CLEC1A: variants seen among roughly 807,000 people sequenced by gnomAD.
CLEC1A encodes C-type lectin domain family 1 member A, also known as C-type lectin-like receptor-1.
A neutral mutation model predicts 28.7 loss-of-function variants in CLEC1A; 34 were observed. That is an observed-to-expected ratio of 1.18 (90% CI 0.90 to 1.57). The LOEUF is 1.57. Among genes scored for constraint, CLEC1A ranks in the 40% most tolerant of loss-of-function variants. CLEC1A has a pLI of 0.00. For missense variants in CLEC1A, 385 were observed against 339.5 expected (o/e 1.13, Z -1.05); for synonymous variants, 116 against 121.0 (o/e 0.96, Z 0.27).
intron 1 of CLEC1A, among the ~76,000 whole-genome samples, chr12:10,098,276 T>G (rs902288093): frequency 6.6e-6 from 1 of 152,180 alleles, no homozygotes; most frequent in East Asian, 1.9e-4. Context: ...TTACATAATT[T>G]ATCATTCTCA....
intron 1 of CLEC1A, among the ~76,000 whole-genome samples, chr12:10,092,072 C>T (rs899051302): frequency 1.4e-4 from 22 of 152,130 alleles, no homozygotes; most frequent in African/African-American, 5.3e-4. Flanking sequence ...AACACAGTTA[C>T]ATTAATATGC....
Position 10,093,416 on chromosome 12 carries a change from AT to A in CLEC1A, c.116-4195del, listed in dbSNP as rs1485773153. The stretch of plus-strand genomic sequence containing the variant: ...TTCCTGTATCCTCTTAGTATTAACC[AT>A]ACTATAAAAGGCCTTAGTGCTAGGG... On this transcript the variant is annotated intron_variant, in intron 1 of 5. Coordinates refer to ENST00000315330, the MANE Select transcript of CLEC1A (RefSeq NM_016511.4). 4.6e-5 allele frequency among the ~76,000 whole-genome samples: 7 copies of A among 151,192 alleles called. No homozygotes were observed. In the South Asian group the frequency reaches 1.6e-3, roughly 34 times the overall value.
At chr12:10,085,643 T>C (rs1247221686) in intron 2 of CLEC1A, among the ~76,000 whole-genome samples, 1 of 151,488 alleles carries the variant, frequency 6.6e-6, no homozygotes, top group Non-Finnish European at 1.5e-5. Context: ...TATATGCACT[T>C]AACATTGGAG....
chr12:10,074,750 G>T (rs976885501), intron 4 of CLEC1A, among the ~76,000 whole-genome samples: 1 of 152,124 alleles, frequency 6.6e-6, no homozygotes, highest in African/African-American at 2.4e-5. Context: ...ATTTCAGGAG[G>T]TAGGTAGAAA....
rs1374466866 is a variant in CLEC1A, at chr12:10,069,925, C to T, written c.*1408G>A. The T allele has an allele frequency of 1.3e-5, 2 of 152,140 alleles. No homozygotes were observed. The highest frequency in any genetic ancestry group is 2.9e-5 in the Non-Finnish European group (2 of 68,012). 9.4% of individuals were successfully genotyped at this position (152,140 alleles called of 1,614,324 possible). A position where few individuals can be genotyped will look rare whatever the true frequency, so the allele number is the denominator to read the frequency against. On this transcript the variant is annotated 3_prime_UTR_variant, in exon 6 of 6. Transcript: ENST00000315330. Reference sequence around the variant, plus strand: ...TGATTGCTACTATACGTCATTTTACCATGAGATAGATGTTTATGAAAAACA... The same window carrying T: ...TGATTGCTACTATACGTCATTTTACTATGAGATAGATGTTTATGAAAAACA...
intron 1 of CLEC1A, among the ~76,000 whole-genome samples, chr12:10,090,409 C>A (rs1175621203): frequency 1.3e-5 from 2 of 152,226 alleles, no homozygotes; most frequent in East Asian, 1.9e-4. Flanking sequence ...TGCCACCACG[C>A]CTGGCTAATT....
Position 10,089,200 on chromosome 12 carries a change from C to T in CLEC1A, c.138G>A (p.Thr46=). The stretch of plus-strand genomic sequence containing the variant: ...GCAGGGTCAGGGCCACTGGTCGCCA[C>T]GTTGAAGAGGGAGCCCTGTGCTCTG... ...RRTEHRAPSS[T]WRPVALTLLT... is the part of the protein sequence containing the mutation. Residue 46 remains threonine (T), a synonymous_variant, in exon 2 of 6, where the codon ACG becomes ACA. Coordinates refer to ENST00000315330, the MANE Select transcript of CLEC1A (RefSeq NM_016511.4). 3 of 1,613,960 alleles carry T rather than the reference C, an allele frequency of 1.9e-6. No homozygotes were observed. The highest frequency in any genetic ancestry group is 2.2e-5 in the East Asian group (1 of 44,874).
intron 1 of CLEC1A, among the ~76,000 whole-genome samples, chr12:10,096,631 CCTT>C (rs35629586): frequency 0.065 from 9,836 of 152,202 alleles, 451 homozygotes; most frequent in Non-Finnish European, 0.098. Context: ...TAAAATCCCT[CCTT>C]AACTTGCCAG....
chr12:10,074,083 C>T (rs1382715885), intron 4 of CLEC1A, among the ~76,000 whole-genome samples: 1 of 152,154 alleles, frequency 6.6e-6, no homozygotes, highest in Admixed American at 6.5e-5. Context: ...GCGACAGGGT[C>T]TCACTCTGTT....
chr12:10,082,484 C>T (rs1177143496), intron 2 of CLEC1A, among the ~76,000 whole-genome samples: 1 of 152,120 alleles, frequency 6.6e-6, no homozygotes, highest in Non-Finnish European at 1.5e-5. Flanking sequence ...CAACCCCCAT[C>T]CCCCACAGGA....
rs762235923 is a variant in CLEC1A, at chr12:10,071,293, C to CCACT, written c.*39_*40insAGTG. ...TCTCAACTAGCCCTTGCTTTGGCAC[C>CCACT]GCCTGGCTCACTCTGCTATTTGTAG... On this transcript the variant is annotated 3_prime_UTR_variant, in exon 6 of 6. Coordinates refer to ENST00000315330, the MANE Select transcript of CLEC1A (RefSeq NM_016511.4). The CCACT allele has an allele frequency of 6.3e-7, 1 of 1,585,034 alleles. No individual in the cohort carries two copies. Among genetic ancestry groups the CCACT allele is most frequent in the South Asian group, 1.2e-5 (1 of 86,700 alleles).
intron 2 of CLEC1A, among the ~76,000 whole-genome samples, chr12:10,085,186 A>G (rs1866459330): frequency 7.1e-6 from 1 of 140,204 alleles, no homozygotes; most frequent in South Asian, 2.3e-4. Context: ...CACAGGACCT[A>G]TAAGACAATA....
chr12:10,077,791 T>C (rs958164902), intron 3 of CLEC1A, among the ~76,000 whole-genome samples: 3 of 152,104 alleles, frequency 2.0e-5, no homozygotes, highest in African/African-American at 7.2e-5. Context: ...TCTCTCCATT[T>C]CTCCTTTATT....
chr12:10,090,301 G>C (rs765623542), intron 1 of CLEC1A, among the ~76,000 whole-genome samples: 1 of 152,160 alleles, frequency 6.6e-6, no homozygotes, highest in Non-Finnish European at 1.5e-5. Context: ...TTCCAGGCTG[G>C]AGTGCAGTGG....
rs944199761 is a variant in CLEC1A, at chr12:10,073,231, C to G, written c.662+62G>C. Reference sequence around the variant, plus strand: ...ACTTGATGGACCAAATTCTTGAGCTCTATCACTCAAGCAAAATATCTTTGT... The same window carrying G: ...ACTTGATGGACCAAATTCTTGAGCTGTATCACTCAAGCAAAATATCTTTGT... On this transcript the variant is annotated intron_variant, in intron 5 of 5. Coordinates refer to ENST00000315330, the MANE Select transcript of CLEC1A (RefSeq NM_016511.4). 6 of 1,253,514 alleles carry G rather than the reference C, an allele frequency of 4.8e-6. No homozygotes were observed. In the African/African-American group the frequency reaches 7.4e-5, roughly 15 times the overall value. 77.6% of individuals were successfully genotyped at this position (1,253,514 alleles called of 1,614,324 possible).
At position 10,070,691 on chromosome 12, in the gene CLEC1A, T is replaced by A. The variant is rs900249973; in HGVS notation, c.*642A>T. The A allele has an allele frequency of 7.2e-5, 11 of 152,166 alleles. No homozygotes were observed. Among genetic ancestry groups the A allele is most frequent in the African/African-American group, 2.2e-4 (9 of 41,444 alleles). The allele number at this position is 152,166 out of a possible 1,614,324, so 9.4% of individuals were successfully genotyped here. A position where few individuals can be genotyped will look rare whatever the true frequency, so the allele number is the denominator to read the frequency against. On this transcript the variant is annotated 3_prime_UTR_variant, in exon 6 of 6. Coordinates refer to ENST00000315330, the MANE Select transcript of CLEC1A (RefSeq NM_016511.4). ...GATATATTTCTTTCCTGGGAGAAAT[T>A]CCTATGGAGGGGAGACAATTATCAG...
chr12:10,081,444 G>C (rs2137345658), intron 2 of CLEC1A, 31 bp from the exon 3 acceptor site: 4 of 1,524,102 alleles, frequency 2.6e-6, no homozygotes, highest in Non-Finnish European at 3.5e-6. Context: ...AGACTGGACA[G>C]CTTATTTCTA....
rs767614513 is a variant in CLEC1A, at chr12:10,098,945, G to A, written c.-23C>T. The A allele has an allele frequency of 1.3e-5, 21 of 1,571,896 alleles. No homozygotes were observed. Among genetic ancestry groups the A allele is most frequent in the East Asian group, 9.1e-5 (4 of 44,184 alleles). The stretch of plus-strand genomic sequence containing the variant: ...CATCTGGATTCCTACAGCGGTGAGA[G>A]TGAAATGTGGTCGGATTGCCCTGGG... On this transcript the variant is annotated 5_prime_UTR_variant, in exon 1 of 6. Coordinates refer to ENST00000315330, the MANE Select transcript of CLEC1A (RefSeq NM_016511.4).
intron 2 of CLEC1A, among the ~76,000 whole-genome samples, chr12:10,083,310 T>C (rs1866408640): frequency 6.6e-6 from 1 of 152,204 alleles, no homozygotes; most frequent in African/African-American, 2.4e-5. Flanking sequence ...AACAGGATTC[T>C]ATAGCACCAC....
Sources: gnomAD v4.1 joint callset for allele counts (sites outside exome capture counted in the v4.1 genomes callset) on GRCh38, gnomAD v4.1.1 for gene constraint, MANE v1.5 for transcripts, NCBI Gene and HGNC (gene_info 2026-07-23, HGNC 2026-07-21) for gene names.